Variants in HEATR3 observed in about 807,000 individuals in gnomAD.
HEATR3 encodes the protein HEAT repeat containing 3.
A neutral mutation model predicts 72.8 loss-of-function variants in HEATR3; 56 were observed. The observed-to-expected ratio is 0.77, with a 90% CI of 0.62 to 0.96. HEATR3 has a LOEUF of 0.96. HEATR3 is among the 40% of genes least tolerant of loss of function. HEATR3 has a pLI of 0.00. For missense variants in HEATR3, 747 were observed against 831.4 expected, an observed-to-expected ratio of 0.90 and a Z score of 1.25; for synonymous variants, 331 against 318.1, an observed-to-expected ratio of 1.04 and a Z score of -0.43.
In HEATR3 at chr16:50,099,046, C is replaced by G. The variant is rs373885719; in HGVS notation, c.1600-1184C>G. ...GATGAGGTCTTGCTATGTTGCCCAG[C>G]CTGGTCTTAAACTCCTGCTCTCGAG... On this transcript the variant is annotated intron_variant, in intron 12 of 14. Coordinates refer to ENST00000299192, the MANE Select transcript of HEATR3 (RefSeq NM_182922.4). Among the ~76,000 whole-genome samples, 16 of 151,790 alleles carry G rather than the reference C, an allele frequency of 1.1e-4. No individual in the cohort carries two copies. The South Asian group carries it at 3.3e-3, about 32-fold the overall frequency.
chr16:50,073,318 A>G (rs939617715), intron 5 of HEATR3: 4 of 152,688 alleles, frequency 2.6e-5, no homozygotes, highest in African/African-American at 9.6e-5. Flanking sequence ...AAGTCAGAGC[A>G]TAGGCAACTC....
intron 14 of HEATR3, among the ~76,000 whole-genome samples, chr16:50,102,925 A>G (rs2037400960): frequency 6.6e-6 from 1 of 151,814 alleles, no homozygotes; most frequent in Non-Finnish European, 1.5e-5. Flanking sequence ...ACATCACCCA[A>G]ATAATTTTTG....
chr16:50,067,108 C>T (rs2036515227), intron 2 of HEATR3, among the ~76,000 whole-genome samples: 1 of 152,286 alleles, frequency 6.6e-6, no homozygotes, highest in Non-Finnish European at 1.5e-5. Flanking sequence ...AATCCCATTG[C>T]TTTGGGAGGC....
chr16:50,102,906 G>A (rs1357719470), intron 14 of HEATR3, among the ~76,000 whole-genome samples: 3 of 152,054 alleles, frequency 2.0e-5, no homozygotes, highest in Non-Finnish European at 4.4e-5. Context: ...GGGATTACAG[G>A]TGTCCACCAC....
rs746855756 is a variant in HEATR3, at chr16:50,102,390, A to G, written c.1875A>G (p.Lys625=). Residue 625 remains lysine, a synonymous_variant, in exon 14 of 15, where the codon AAA becomes AAG. Transcript: ENST00000299192. ...CCGAAAGAGCCTCGATTCAAATTAA[A>G]TTATTATCTGCTCTGAAAGAATTCC... ...KEAERASIQI[K]LLSALKEFQP... is the part of the protein sequence containing the mutation. 5.6e-6 allele frequency: 9 copies of G among 1,614,120 alleles called. No homozygotes were observed. In the East Asian group the frequency reaches 2.0e-4, roughly 36 times the overall value.
At chr16:50,079,071 C>A in intron 7 of HEATR3, 53 bp downstream of exon 7, 1 of 1,497,084 alleles carries the variant, frequency 6.7e-7, no homozygotes, top group Non-Finnish European at 9.0e-7. Flanking sequence ...TTTTTTTTTT[C>A]CAGCAGTTAT....
At chr16:50,082,266 C>T (rs1345910981) in intron 7 of HEATR3, among the ~76,000 whole-genome samples, 1 of 152,050 alleles carries the variant, frequency 6.6e-6, no homozygotes, top group Non-Finnish European at 1.5e-5. Context: ...TCGCTTGAAC[C>T]CAGGAGGCGG....
At chr16:50,084,695 T>A (rs753287198) in intron 10 of HEATR3, 44 bp downstream of exon 10, 4 of 1,410,056 alleles carry the variant, frequency 2.8e-6, no homozygotes, top group Admixed American at 1.8e-5. Flanking sequence ...ATTATTTTAT[T>A]TTATGAAATG....
intron 7 of HEATR3, 64 bp from the exon 8 acceptor site, chr16:50,083,873 A>G (rs1452862145): frequency 2.0e-6 from 3 of 1,467,450 alleles, no homozygotes; most frequent in East Asian, 4.6e-5. Flanking sequence ...CACTAAGGAA[A>G]TTCCCCAAAA....
At chr16:50,066,328 C>T (rs759735053) in intron 1 of HEATR3, 39 bp from the exon 2 acceptor site, 3 of 1,563,352 alleles carry the variant, frequency 1.9e-6, no homozygotes, top group African/African-American at 1.4e-5. Context: ...CGCGCGTGCG[C>T]ATTGCGCGCC....
intron 11 of HEATR3, among the ~76,000 whole-genome samples, chr16:50,090,319 A>T (rs2037081571): frequency 6.6e-6 from 1 of 152,046 alleles, no homozygotes; most frequent in Admixed American, 6.6e-5. Context: ...GTGCTACTGT[A>T]CTCCAGCCTG....
chr16:50,080,330 A>T (rs1264636298), intron 7 of HEATR3: 1 of 150,890 alleles, frequency 6.6e-6, no homozygotes, highest in Admixed American at 6.6e-5. Flanking sequence ...CCTGAACTTG[A>T]GTTGCTCACA....
chr16:50,086,311 G>A lies in HEATR3; in HGVS notation c.1470G>A (p.Thr490=), dbSNP rs746351315. ...TGGGAGGAGCCGCAGCCCTTCAGACGCTTGCACAGCATCTGTCACAGCTGC... is the reference window on the plus strand; with the variant it reads ...TGGGAGGAGCCGCAGCCCTTCAGACACTTGCACAGCATCTGTCACAGCTGC... ...EHLGGAAALQ[T]LAQHLSQLLF... Residue 490 remains threonine (T), a synonymous_variant, in exon 11 of 15, where the codon ACG becomes ACA. Coordinates refer to ENST00000299192, the MANE Select transcript of HEATR3 (RefSeq NM_182922.4). 6.2e-5 allele frequency: 99 copies of A among 1,596,204 alleles called. No homozygotes were observed. The highest frequency in any genetic ancestry group is 1.6e-4 in the South Asian group (14 of 88,652).
intron 6 of HEATR3, 65 bp from the exon 7 acceptor site, chr16:50,078,676 G>A: frequency 2.0e-6 from 3 of 1,505,418 alleles, no homozygotes; most frequent in Non-Finnish European, 2.7e-6. Context: ...CCAGTCTTGT[G>A]AAAACTTAAA....
At chr16:50,086,433 T>G in intron 11 of HEATR3, 82 bp downstream of exon 11, 2 of 1,405,326 alleles carry the variant, frequency 1.4e-6, no homozygotes, top group Non-Finnish European at 1.9e-6. Flanking sequence ...TAAATGTATA[T>G]TGTTTGTCAT....
chr16:50,075,896 A>G (rs1386293379), intron 6 of HEATR3, among the ~76,000 whole-genome samples, 185 bp downstream of exon 6: 1 of 152,242 alleles, frequency 6.6e-6, no homozygotes, highest in Non-Finnish European at 1.5e-5. Flanking sequence ...AAATCCTTGT[A>G]GAATAGATTT....
chr16:50,097,869 T>G (rs2037278120), intron 12 of HEATR3, among the ~76,000 whole-genome samples: 1 of 149,340 alleles, frequency 6.7e-6, no homozygotes, highest in African/African-American at 2.5e-5. Context: ...GAGCCAAGAT[T>G]GCACTGCACT....
At chr16:50,101,377 G>C (rs1459672281) in intron 13 of HEATR3, among the ~76,000 whole-genome samples, 1 of 151,940 alleles carries the variant, frequency 6.6e-6, no homozygotes, top group Non-Finnish European at 1.5e-5. Flanking sequence ...CAGCATCCCA[G>C]AGTGCTGGGA....
At chr16:50,072,572 A>G in intron 4 of HEATR3, 33 bp from the exon 5 acceptor site, 2 of 1,349,414 alleles carry the variant, frequency 1.5e-6, no homozygotes, top group Non-Finnish European at 2.1e-6. Flanking sequence ...TAAAATGTGA[A>G]TAGTAAAACT....
Sources: gnomAD v4.1 joint callset for allele counts (sites outside exome capture counted in the v4.1 genomes callset) on GRCh38, gnomAD v4.1.1 for gene constraint, MANE v1.5 for transcripts, NCBI Gene and HGNC (gene_info 2026-07-23, HGNC 2026-07-21) for gene names.